The following FKBP5 variants were observed in gnomAD, a reference collection of about 807,000 sequenced individuals.
FKBP5 encodes peptidyl-prolyl cis-trans isomerase FKBP5.
Under a neutral mutation model 50.5 loss-of-function variants are expected in FKBP5, and 23 were observed. That is an observed-to-expected ratio of 0.46 (90% CI 0.33 to 0.65). The LOEUF (loss-of-function observed/expected upper bound fraction) is 0.65, where lower values mean the gene tolerates loss of function less well. Among genes scored for constraint, FKBP5 ranks in the 30% least tolerant of loss-of-function variants. FKBP5 has a pLI of 0.02. For missense variants in FKBP5, 411 were observed against 553.1 expected, an observed-to-expected ratio of 0.74 and a Z score of 2.58; for synonymous variants, 176 against 190.6, an observed-to-expected ratio of 0.92 and a Z score of 0.63.
upstream of FKBP5, among the ~76,000 whole-genome samples, chr6:35,689,094 G>A (rs867889829): frequency 2.0e-5 from 3 of 152,158 alleles, no homozygotes; most frequent in Non-Finnish European, 4.4e-5. Flanking sequence ...TGCAAATGAG[G>A]CCCCGCCCCC....
At chr6:35,685,811 G>A (rs1208730000) in intron 1 of FKBP5, among the ~76,000 whole-genome samples, 3 of 151,754 alleles carry the variant, frequency 2.0e-5, no homozygotes, top group African/African-American at 4.8e-5. Context: ...GCAAAACCCC[G>A]TCTCTACTAA....
chr6:35,670,603 G>A (rs1172478193), intron 1 of FKBP5, among the ~76,000 whole-genome samples: 1 of 151,646 alleles, frequency 6.6e-6, no homozygotes, highest in Non-Finnish European at 1.5e-5. Context: ...GTGGTGGTGG[G>A]CACCTGTAAT....
Position 35,717,575 on chromosome 6 carries a change from G to A in FKBP5, c.-20+2753C>T, listed in dbSNP as rs138284128. Among the ~76,000 whole-genome samples the A allele has an allele frequency of 4.1e-3, 627 of 152,352 alleles. 4 individuals are homozygous for A. Among genetic ancestry groups the A allele is most frequent in the Non-Finnish European group, 7.9e-3 (539 of 68,026 alleles). On this transcript the variant is annotated intron_variant, in intron 2 of 11. Coordinates refer to the FKBP5 transcript ENST00000536438. ...TGCACCTGTGGCAATGCACACCCAT[G>A]GGAGGGGCAGGGGAGCTGTGGGAGC...
In FKBP5 at chr6:35,620,291, G is replaced by C. The variant is rs1763792945; in HGVS notation, c.251-17C>G. On this transcript the variant is annotated splice_polypyrimidine_tract_variant and intron_variant, in intron 3 of 10. Transcript: ENST00000357266. ...TGACTTGGCCTAAGGGAAAGGAAAAGGTAGTTGAAAGCTATAAGCCCTATT... is the reference window on the plus strand; with the variant it reads ...TGACTTGGCCTAAGGGAAAGGAAAACGTAGTTGAAAGCTATAAGCCCTATT... 2 of 1,612,112 alleles carry C rather than the reference G, an allele frequency of 1.2e-6. No individual in the cohort carries two copies. The highest frequency in any genetic ancestry group is 2.2e-5 in the East Asian group (1 of 44,876).
Position 35,625,231 on chromosome 6 carries a change from G to A in FKBP5, c.251-4957C>T, listed in dbSNP as rs372697989. Among the ~76,000 whole-genome samples the A allele has an allele frequency of 1.6e-4, 25 of 152,120 alleles. No individual in the cohort carries two copies. In the East Asian group the frequency reaches 3.9e-3, roughly 24 times the overall value. On this transcript the variant is annotated intron_variant, in intron 3 of 10. Coordinates refer to ENST00000357266, the MANE Select transcript of FKBP5 (RefSeq NM_004117.4). ...CCCAAGTAGCTGGGATTACAGGCAC[G>A]TGCCACTACGCTTAGGTAATTTTTG... is the stretch of plus-strand genomic sequence containing the variant.
chr6:35,637,260 G>T, intron 2 of FKBP5, 102 bp from the exon 3 acceptor site: 1 of 960,010 alleles, frequency 1.0e-6, no homozygotes, highest in Non-Finnish European at 1.6e-6. Flanking sequence ...AGGCAGATAT[G>T]CAAATATACT....
chr6:35,665,477 G>C (rs985819998), intron 1 of FKBP5, among the ~76,000 whole-genome samples: 1 of 152,030 alleles, frequency 6.6e-6, no homozygotes, highest in African/African-American at 2.4e-5. Flanking sequence ...TTTTAGTAGA[G>C]ATAGGGTTTC....
chr6:35,690,901 G>A (rs1053268478), upstream of FKBP5, among the ~76,000 whole-genome samples: 2 of 151,994 alleles, frequency 1.3e-5, no homozygotes. Context: ...AGCTACTCGG[G>A]AGGCTGAGGC....
rs987512933 is a variant in FKBP5, at chr6:35,588,663, C to T, written c.757-1546G>A. Among the ~76,000 whole-genome samples the T allele has an allele frequency of 4.6e-5, 7 of 151,036 alleles. No individual in the cohort carries two copies. In the South Asian group the frequency reaches 6.3e-4, roughly 14 times the overall value. On this transcript the variant is annotated intron_variant, in intron 7 of 10. Coordinates refer to ENST00000357266, the MANE Select transcript of FKBP5 (RefSeq NM_004117.4). Reference sequence around the variant, plus strand: ...TCGTCCAGGCTGGAGTGCAGTGGCACGATCGCGGCTCACTGTAGCCTCGAT... The same window carrying T: ...TCGTCCAGGCTGGAGTGCAGTGGCATGATCGCGGCTCACTGTAGCCTCGAT...
At chr6:35,694,743 A>G (rs377010434) in intron 2 of FKBP5, among the ~76,000 whole-genome samples, 13 of 151,936 alleles carry the variant, frequency 8.6e-5, no homozygotes, top group African/African-American at 2.7e-4. Context: ...CCTTTACTCA[A>G]TTGTGCAGTT....
chr6:35,640,701 T>C (rs1042012948), intron 2 of FKBP5, among the ~76,000 whole-genome samples: 19 of 152,012 alleles, frequency 1.2e-4, no homozygotes, highest in Admixed American at 3.9e-4. Flanking sequence ...CAAAAATATT[T>C]TCTTTCTTTA....
At chr6:35,704,274 T>C (rs1022779142) in intron 2 of FKBP5, among the ~76,000 whole-genome samples, 2 of 152,168 alleles carry the variant, frequency 1.3e-5, no homozygotes, top group Admixed American at 6.6e-5. Context: ...AGACAAGTAA[T>C]TGAGAGCCCA....
At chr6:35,721,606 C>A (rs1361789005) in intron 1 of FKBP5, among the ~76,000 whole-genome samples, 1 of 152,154 alleles carries the variant, frequency 6.6e-6, no homozygotes, top group South Asian at 2.1e-4. Context: ...CAGCCATGCG[C>A]TACCACGCCC....
chr6:35,604,032 G>C (rs1763232159), intron 5 of FKBP5, among the ~76,000 whole-genome samples: 1 of 150,970 alleles, frequency 6.6e-6, no homozygotes, highest in South Asian at 2.1e-4. Flanking sequence ...TTTGAGTTGG[G>C]GGTCTCACTT....
chr6:35,590,888 T>TAAAA (rs199896008), intron 7 of FKBP5, among the ~76,000 whole-genome samples: 94 of 131,166 alleles, frequency 7.2e-4, no homozygotes, highest in African/African-American at 2.4e-3. Context: ...CCAAAAAAGT[T>TAAAA]AAAAAAAAAA....
chr6:35,716,263 C>A (rs1199179087), intron 2 of FKBP5, among the ~76,000 whole-genome samples: 2 of 152,110 alleles, frequency 1.3e-5, no homozygotes, highest in Non-Finnish European at 2.9e-5. Context: ...GTCCTAGGTA[C>A]TCAAGAGGCC....
chr6:35,700,543 C>T (rs372725747), intron 2 of FKBP5, among the ~76,000 whole-genome samples: 2 of 152,152 alleles, frequency 1.3e-5, no homozygotes, highest in Admixed American at 6.5e-5. Flanking sequence ...ACCCTTAATC[C>T]CAAGAAGCTT....
At chr6:35,594,401 GAGTCAC>G (rs966859855) in intron 6 of FKBP5, among the ~76,000 whole-genome samples, 14 of 152,238 alleles carry the variant, frequency 9.2e-5, no homozygotes, top group Non-Finnish European at 1.6e-4. Flanking sequence ...CAGAGTATCA[GAGTCAC>G]AGAGAAGGTC....
chr6:35,667,328 A>C (rs1294470727), intron 1 of FKBP5, among the ~76,000 whole-genome samples: 1 of 152,176 alleles, frequency 6.6e-6, no homozygotes, highest in Non-Finnish European at 1.5e-5. Context: ...CAAGGAACTT[A>C]CAGAAAGGCC....
Sources: gnomAD v4.1 joint callset for allele counts (sites outside exome capture counted in the v4.1 genomes callset) on GRCh38, gnomAD v4.1.1 for gene constraint, MANE v1.5 for transcripts, NCBI Gene and HGNC (gene_info 2026-07-23, HGNC 2026-07-21) for gene names.